Variants in KCNN3 observed in about 807,000 individuals in gnomAD.
The protein encoded by KCNN3 is potassium calcium-activated channel subfamily N member 3, also known as small conductance calcium-activated potassium channel protein 3.
KCNN3 carries 16 observed loss-of-function variants against 62.9 expected under a neutral mutation model. The ratio of observed to expected loss-of-function variants is 0.25; its 90% confidence interval spans 0.17 to 0.39. KCNN3 has a LOEUF of 0.39. Among genes scored for constraint, KCNN3 ranks in the 10% least tolerant of loss-of-function variants. The pLI is 1.00. For missense variants in KCNN3, 599 were observed against 949.4 expected, an observed-to-expected ratio of 0.63 and a Z score of 4.85; for synonymous variants, 370 against 389.2, an observed-to-expected ratio of 0.95 and a Z score of 0.58.
At chr1:154,771,058 GATAA>G (rs112864449) in intron 3 of KCNN3, among the ~76,000 whole-genome samples, 36,441 of 136,042 alleles carry the variant, frequency 0.27, 4,917 homozygotes, top group Middle Eastern at 0.29. Context: ...CTCCATCTCA[GATAA>G]ATAAATAAAT....
chr1:154,821,239 A>T (rs1297469473), intron 2 of KCNN3, among the ~76,000 whole-genome samples: 1 of 152,170 alleles, frequency 6.6e-6, no homozygotes, highest in African/African-American at 2.4e-5. Flanking sequence ...TGCTGCCCAG[A>T]TGTGAATCTA....
At chr1:154,725,363 A>G (rs933683242) in intron 5 of KCNN3, among the ~76,000 whole-genome samples, 11 of 152,172 alleles carry the variant, frequency 7.2e-5, no homozygotes, top group Non-Finnish European at 1.3e-4. Flanking sequence ...ATTGTAGGCT[A>G]TTAATTAAAT....
At chr1:154,799,064 G>A (rs944285224) in intron 2 of KCNN3, among the ~76,000 whole-genome samples, 6 of 151,944 alleles carry the variant, frequency 3.9e-5, no homozygotes, top group African/African-American at 1.2e-4. Context: ...TTATAGGTAT[G>A]CACAACCATG....
intron 2 of KCNN3, among the ~76,000 whole-genome samples, chr1:154,799,720 G>T (rs1649874627): frequency 6.6e-6 from 1 of 152,216 alleles, no homozygotes; most frequent in South Asian, 2.1e-4. Flanking sequence ...GGGGAGACCT[G>T]TGCCCCTACA....
Position 154,740,006 on chromosome 1 carries a change from T to C in KCNN3, c.1449-6862A>G, listed in dbSNP as rs1214832427. Among the ~76,000 whole-genome samples the C allele has an allele frequency of 2.6e-5, 4 of 152,246 alleles. No individual in the cohort carries two copies. In the East Asian group the frequency reaches 7.7e-4, roughly 29 times the overall value. On this transcript the variant is annotated intron_variant, in intron 3 of 7. Transcript: ENST00000271915. Reference sequence around the variant, plus strand: ...CCCACAGCAACCCTGAGATGGTAAATGTCTGCTGTTTTTAGCTGCTAAATT... The same window carrying C: ...CCCACAGCAACCCTGAGATGGTAAACGTCTGCTGTTTTTAGCTGCTAAATT...
chr1:154,758,381 C>T (rs1473072603), intron 3 of KCNN3, among the ~76,000 whole-genome samples: 1 of 152,232 alleles, frequency 6.6e-6, no homozygotes, highest in Non-Finnish European at 1.5e-5. Context: ...TCAGCTGAAA[C>T]ATGTTTAAGA....
In KCNN3 at chr1:154,708,124, T is replaced by TGGC. The variant is rs1278239029; in HGVS notation, c.2045_2047dup (p.Arg682dup). On this transcript the variant is annotated inframe_insertion, in exon 8 of 8. Transcript: ENST00000271915. ...GGCAGACAGGAGCTGCTGCTGCTGC[T>TGGC]GGCGCAGGGTGTCGGCGATGAGCAG... 1.2e-6 allele frequency: 2 copies of TGGC among 1,613,670 alleles called. No homozygotes were observed. Among genetic ancestry groups the TGGC allele is most frequent in the Non-Finnish European group, 1.7e-6 (2 of 1,179,992 alleles).
intron 3 of KCNN3, among the ~76,000 whole-genome samples, chr1:154,749,608 G>C (rs1382527077): frequency 6.6e-6 from 1 of 152,208 alleles, no homozygotes; most frequent in Middle Eastern, 3.2e-3. Flanking sequence ...GGAGGAGCCT[G>C]GGACGTCAGG....
At chr1:154,858,307 C>T (rs1652617497) in intron 1 of KCNN3, among the ~76,000 whole-genome samples, 1 of 152,214 alleles carries the variant, frequency 6.6e-6, no homozygotes, top group Non-Finnish European at 1.5e-5. Flanking sequence ...GTAAAACCCA[C>T]CATTGCCCAG....
chr1:154,824,876 C>A (rs1167740301), intron 1 of KCNN3, among the ~76,000 whole-genome samples: 3 of 152,186 alleles, frequency 2.0e-5, no homozygotes, highest in Non-Finnish European at 4.4e-5. Context: ...GCCAGTACAA[C>A]CTCCCTGGCC....
chr1:154,842,640 GC>G (rs1553239451), intron 1 of KCNN3, among the ~76,000 whole-genome samples: 2 of 11,772 alleles, frequency 1.7e-4, no homozygotes, highest in Admixed American at 1.0e-3. Flanking sequence ...CCCCCCCCCC[GC>G]CACCACCTCC....
chr1:154,837,378 C>T (rs577214772), intron 1 of KCNN3, among the ~76,000 whole-genome samples: 1 of 152,182 alleles, frequency 6.6e-6, no homozygotes, highest in East Asian at 1.9e-4. Flanking sequence ...CTCCTGAGCT[C>T]GTAATCCACC....
At chr1:154,841,569 G>A (rs6426986) in intron 1 of KCNN3, among the ~76,000 whole-genome samples, 45,349 of 151,964 alleles carry the variant, frequency 0.3, 7,173 homozygotes, top group African/African-American at 0.37. Context: ...AGGTTAAGTC[G>A]CTTGCCTAAA....
At chr1:154,840,029 C>T (rs1330642229) in intron 1 of KCNN3, among the ~76,000 whole-genome samples, 1 of 151,962 alleles carries the variant, frequency 6.6e-6, no homozygotes, top group Non-Finnish European at 1.5e-5. Flanking sequence ...AGGAAAGGCA[C>T]TGGAAATTGT....
rs569067455 is a variant in KCNN3, at chr1:154,836,205, C to T, written c.934-14021G>A. Among the ~76,000 whole-genome samples, 12 of 152,226 alleles carry T rather than the reference C, an allele frequency of 7.9e-5. No individual in the cohort carries two copies. In the South Asian group the frequency reaches 2.5e-3, roughly 32 times the overall value. On this transcript the variant is annotated intron_variant, in intron 1 of 7. Transcript: ENST00000271915. ...CCTTCCTTCTTTGAGTGTTGAGCAG[C>T]CGGAAGAGCAGCCAGAAGGTACCTC...
At position 154,707,737 on chromosome 1, in the gene KCNN3, G is replaced by A. The variant is rs1699992496; in HGVS notation, c.*239C>T. 2.0e-6 allele frequency: 1 copy of A among 498,686 alleles called. No individual in the cohort carries two copies. The highest frequency in any genetic ancestry group is 3.0e-5 in the South Asian group (1 of 33,358). The allele number at this position is 498,686 out of a possible 1,614,324, so 30.9% of individuals were successfully genotyped here. On this transcript the variant is annotated 3_prime_UTR_variant, in exon 8 of 8. Coordinates refer to ENST00000271915, the MANE Select transcript of KCNN3 (RefSeq NM_002249.6). The stretch of plus-strand genomic sequence containing the variant: ...CTGCAGCAAGGGCCCTGCCAGAGGC[G>A]TCGCTTCCTGTCATCTCCTCTTCCC...
chr1:154,735,672 C>G (rs866209085), intron 3 of KCNN3, among the ~76,000 whole-genome samples: 3 of 152,314 alleles, frequency 2.0e-5, no homozygotes, highest in South Asian at 2.1e-4. Context: ...CATCAGCCCC[C>G]TCCCAGTTCT....
intron 5 of KCNN3, among the ~76,000 whole-genome samples, chr1:154,725,545 CTTT>C (rs748710722): frequency 6.6e-5 from 9 of 136,194 alleles, no homozygotes; most frequent in Non-Finnish European, 1.4e-4. Flanking sequence ...TTCCTTCCTT[CTTT>C]TTTTTTTTTT....
chr1:154,793,279 C>T (rs1649593497), intron 2 of KCNN3, among the ~76,000 whole-genome samples: 1 of 152,170 alleles, frequency 6.6e-6, no homozygotes, highest in Non-Finnish European at 1.5e-5. Context: ...AGGCCCAGAG[C>T]CAGCTTGTGC....
Sources: allele counts gnomAD v4.1 joint callset (sites outside exome capture counted in the v4.1 genomes callset), GRCh38; gene constraint gnomAD v4.1.1; transcripts MANE v1.5; gene names NCBI Gene and HGNC (gene_info 2026-07-23, HGNC 2026-07-21).